DRC8: variants seen among roughly 807,000 people sequenced by gnomAD.
DRC8 encodes dynein regulatory complex protein 8.
the DRC8 span, among the ~76,000 whole-genome samples, chr1:245,101,104 C>T: frequency 2.6e-5 from 4 of 152,150 alleles, no homozygotes; most frequent in Admixed American, 2.6e-4. Flanking sequence ...AGGCTGGTCT[C>T]GAACTCCTGA....
At chr1:245,012,540 T>C in the DRC8 span, among the ~76,000 whole-genome samples, 2 of 149,034 alleles carry the variant, frequency 1.3e-5, no homozygotes, top group Non-Finnish European at 2.9e-5. Flanking sequence ...TAGCAAAAAT[T>C]CAATTTTTAC....
chr1:244,979,143 T>C, the DRC8 span, among the ~76,000 whole-genome samples: 29 of 152,184 alleles, frequency 1.9e-4, no homozygotes, highest in South Asian at 6.2e-4. Flanking sequence ...CCTGTAGATG[T>C]GTTGTTTGAT....
chr1:245,026,581 G>A, the DRC8 span, among the ~76,000 whole-genome samples: 1 of 152,188 alleles, frequency 6.6e-6, no homozygotes, highest in South Asian at 2.1e-4. Flanking sequence ...GTCTGCATTT[G>A]TGCAATGGAA....
chr1:245,090,513 T>C, the DRC8 span, among the ~76,000 whole-genome samples: 1 of 152,246 alleles, frequency 6.6e-6, no homozygotes, highest in Non-Finnish European at 1.5e-5. Flanking sequence ...CATTTCATCC[T>C]CACATCCACC....
At chr1:245,098,373 C>T in the DRC8 span, among the ~76,000 whole-genome samples, 1 of 152,006 alleles carries the variant, frequency 6.6e-6, no homozygotes, top group African/African-American at 2.4e-5. Context: ...ATGGGATCCC[C>T]TAAAGAGGGA....
the DRC8 span, among the ~76,000 whole-genome samples, chr1:245,040,099 T>C: frequency 0.37 from 56,531 of 152,042 alleles, 10,905 homozygotes; most frequent in African/African-American, 0.49. Flanking sequence ...ATGTTATTAC[T>C]GTGGTTTTTG....
At chr1:245,056,904 T>C in the DRC8 span, among the ~76,000 whole-genome samples, 1 of 126,328 alleles carries the variant, frequency 7.9e-6, no homozygotes, top group African/African-American at 3.0e-5. Context: ...GCCACTGCAC[T>C]CCAGCCTGGA....
chr1:245,055,164 G>A, the DRC8 span, among the ~76,000 whole-genome samples: 2 of 152,280 alleles, frequency 1.3e-5, no homozygotes, highest in East Asian at 1.9e-4. Context: ...TGCTCACTGC[G>A]GCATAGCCCT....
the DRC8 span, among the ~76,000 whole-genome samples, chr1:245,098,367 G>A: frequency 6.6e-6 from 1 of 152,140 alleles, no homozygotes; most frequent in Non-Finnish European, 1.5e-5. Context: ...GGCTGGATGG[G>A]ATCCCCTAAA....
chr1:244,985,688 ACCC>A, the DRC8 span, among the ~76,000 whole-genome samples: 2 of 151,594 alleles, frequency 1.3e-5, no homozygotes, highest in African/African-American at 4.8e-5. Context: ...ATGTGGTGAA[ACCC>A]CCGTCTCTAC....
the DRC8 span, chr1:245,090,992 C>T: frequency 6.6e-6 from 1 of 152,176 alleles, no homozygotes; most frequent in African/African-American, 2.4e-5. Context: ...GCATTTCTTC[C>T]TTCTCTAGTT....
the DRC8 span, among the ~76,000 whole-genome samples, chr1:245,012,244 A>T: frequency 4.0e-4 from 61 of 152,076 alleles, no homozygotes; most frequent in South Asian, 1.0e-3. Flanking sequence ...TGGAAGGATA[A>T]AATTATAAAT....
At chr1:244,980,894 TG>T in the DRC8 span, among the ~76,000 whole-genome samples, 48 of 152,148 alleles carry the variant, frequency 3.2e-4, no homozygotes, top group Admixed American at 3.9e-4. Flanking sequence ...ACAATTTTGT[TG>T]ACTGAGGCCG....
chr1:245,077,097 G>A, the DRC8 span, among the ~76,000 whole-genome samples: 2 of 151,938 alleles, frequency 1.3e-5, no homozygotes, highest in Non-Finnish European at 2.9e-5. Flanking sequence ...GTGATTCAAA[G>A]TCTTTGGCTA....
the DRC8 span, among the ~76,000 whole-genome samples, chr1:245,112,449 A>C: frequency 6.6e-6 from 1 of 152,244 alleles, no homozygotes; most frequent in African/African-American, 2.4e-5. Flanking sequence ...TTGGAGCTTA[A>C]AAAAGAAATA....
chr1:245,017,965 A>G, the DRC8 span, among the ~76,000 whole-genome samples: 1 of 152,120 alleles, frequency 6.6e-6, no homozygotes, highest in African/African-American at 2.4e-5. Context: ...GGTGGCTGAC[A>G]CCTGTAATCC....
At chr1:245,080,414 G>GAACAAATAGAACAAATAGAACAAATAGA in the DRC8 span, among the ~76,000 whole-genome samples, 7 of 152,190 alleles carry the variant, frequency 4.6e-5, no homozygotes, top group Non-Finnish European at 8.8e-5. Context: ...GTGGTGGTGT[G>GAACAAATAGAACAAATAGAACAAATAGA]ACAAAGTTCT....
the DRC8 span, among the ~76,000 whole-genome samples, chr1:245,099,422 G>T: frequency 2.0e-5 from 3 of 152,266 alleles, no homozygotes; most frequent in Non-Finnish European, 4.4e-5. Context: ...CCTCCAGTTT[G>T]CCCGCCAGCC....
the DRC8 span, among the ~76,000 whole-genome samples, chr1:245,098,635 A>C: frequency 1.1e-4 from 16 of 152,178 alleles, no homozygotes; most frequent in African/African-American, 3.9e-4. Context: ...TTTTGTGTGC[A>C]ACCCAGTGGT....
Sources: allele counts gnomAD v4.1 joint callset (sites outside exome capture counted in the v4.1 genomes callset), GRCh38; gene constraint gnomAD v4.1.1; transcripts MANE v1.5; gene names NCBI Gene and HGNC (gene_info 2026-07-23, HGNC 2026-07-21).